The following PCDH1 variants were observed in gnomAD, a reference collection of about 807,000 sequenced individuals.
PCDH1 encodes protocadherin-1.
In PCDH1, 23 loss-of-function variants were observed where a neutral mutation model predicts 74.6. The observed-to-expected ratio is 0.31, with a 90% CI of 0.22 to 0.44. The LOEUF (loss-of-function observed/expected upper bound fraction) is 0.44. Among genes scored for constraint, PCDH1 ranks in the 20% least tolerant of loss-of-function variants. The pLI, the probability that PCDH1 is intolerant of heterozygous loss-of-function variation, is 1.00. For missense variants in PCDH1, 1,214 were observed against 1,641.4 expected (o/e 0.74, Z 4.50); for synonymous variants, 647 against 686.1 (o/e 0.94, Z 0.89).
chr5:141,866,308 G>T, intron 2 of PCDH1: 1 of 860,376 alleles, frequency 1.2e-6, no homozygotes, highest in Non-Finnish European at 1.4e-6. Context: ...AGAGCCTGCT[G>T]GCAGTGGGCT....
At chr5:141,877,311 AGAGT>A (rs1319268699) in intron 1 of PCDH1, among the ~76,000 whole-genome samples, 1 of 152,146 alleles carries the variant, frequency 6.6e-6, no homozygotes, top group Non-Finnish European at 1.5e-5. Flanking sequence ...TTCCTGTGTT[AGAGT>A]GTGTGCCATC....
At position 141,865,885 on chromosome 5, in the gene PCDH1, C is replaced by G. The variant is rs562099127; in HGVS notation, c.904-458G>C. On this transcript the variant is annotated intron_variant, in intron 2 of 4. Transcript: ENST00000287008. The surrounding 1 kb of genome is among the most constrained non-coding windows in gnomAD (Gnocchi z 4.4). ...TGTGAATGTGCACTACATGCACGCACGCATGCACATATGTATGTGTATGAT... is the reference window on the plus strand; with the variant it reads ...TGTGAATGTGCACTACATGCACGCAGGCATGCACATATGTATGTGTATGAT... Among the ~76,000 whole-genome samples, 3 of 149,416 alleles carry G rather than the reference C, an allele frequency of 2.0e-5. No homozygotes were observed. Among genetic ancestry groups the G allele is most frequent in the Non-Finnish European group, 4.5e-5 (3 of 66,640 alleles).
In PCDH1 at chr5:141,864,819, A is replaced by G. The variant is rs760879865; in HGVS notation, c.1512T>C (p.Pro504=). The change falls in exon 3 of 5, where the codon CCT becomes CCC. Residue 504 remains proline, a synonymous_variant. Coordinates refer to ENST00000287008, the MANE Select transcript of PCDH1 (RefSeq NM_032420.5). This position sits in a 1 kb window ranked among gnomAD's most constrained non-coding sequence, Gnocchi z 5.9. ...VQVVDVNDNA[P]VFTQSVTEVA... is the part of the protein sequence containing the mutation. The stretch of plus-strand genomic sequence containing the variant: ...CCTCAGTGACACTCTGAGTGAAGAC[A>G]GGTGCGTTGTCATTGACGTCCACCA... 6.2e-7 allele frequency: 1 copy of G among 1,614,074 alleles called. No homozygotes were observed. Among genetic ancestry groups the G allele is most frequent in the Non-Finnish European group, 8.5e-7 (1 of 1,180,010 alleles).
In PCDH1 at chr5:141,857,332, C is replaced by G; in HGVS notation, c.3239G>C (p.Gly1080Ala). The G allele has an allele frequency of 6.2e-7, 1 of 1,613,730 alleles. No individual in the cohort carries two copies. The highest frequency in any genetic ancestry group is 1.1e-5 in the South Asian group (1 of 91,042). The change falls in exon 4 of 5, where the codon GGT becomes GCT. Residue 1080 changes from glycine to alanine, a missense_variant. Around this residue, in one of 4 missense-constraint regions of PCDH1, gnomAD observed 836 missense variants for 1,182.2 expected, o/e 0.71. Coordinates refer to ENST00000287008, the MANE Select transcript of PCDH1 (RefSeq NM_032420.5). Reference protein sequence around the residue: ...SSKSSSGPRLGPLALPEDHYE... With the variant: ...SSKSSSGPRLAPLALPEDHYE... ...GTGATCCTCAGGCAGGGCCAGGGGA[C>G]CGAGTCGAGGCCCTGAGGATGACTT... is the stretch of plus-strand genomic sequence containing the variant.
At chr5:141,858,087 C>A (rs899817141) in intron 3 of PCDH1, among the ~76,000 whole-genome samples, 4 of 152,216 alleles carry the variant, frequency 2.6e-5, no homozygotes, top group Non-Finnish European at 5.9e-5. Flanking sequence ...GCCACTGCCT[C>A]CTTCCAAATG....
Position 141,868,745 on chromosome 5 carries a change from A to G in PCDH1, c.727T>C (p.Trp243Arg), listed in dbSNP as rs1388590176. 6.2e-7 allele frequency: 1 copy of G among 1,614,188 alleles called. No homozygotes were observed. Among genetic ancestry groups the G allele is most frequent in the Non-Finnish European group, 8.5e-7 (1 of 1,180,018 alleles). Residue 243 changes from tryptophan (W) to arginine (R), a missense_variant, in exon 2 of 5, where the codon TGG becomes CGG. By Grantham distance (101) the Trp-to-Arg change is moderately radical. Transcript: ENST00000287008. The surrounding 1 kb of genome is among the most constrained non-coding windows in gnomAD (Gnocchi z 4.8). ...IVMGNLDRERWDSYDLTIKVQ... is the reference protein window; with the variant it reads ...IVMGNLDRERRDSYDLTIKVQ... ...TTGATGGTGAGGTCATAGGAGTCCC[A>G]GCGCTCACGGTCCAGGTTGCCCATC... is the stretch of plus-strand genomic sequence containing the variant.
rs140077127 is a variant in PCDH1, at chr5:141,857,445, C to T, written c.3126G>A (p.Ser1042=). ...KQLPHRRVTF[S]ATSQAQELQD... ...GCAGCTCCTGGGCCTGGCTGGTGGC[C>T]GAGAAGGTGACGCGGCGGTGAGGTA... Residue 1042 remains serine (S), a synonymous_variant, in exon 4 of 5, where the codon TCG becomes TCA. Coordinates refer to ENST00000287008, the MANE Select transcript of PCDH1 (RefSeq NM_032420.5). 5.8e-5 allele frequency: 94 copies of T among 1,613,678 alleles called. No individual in the cohort carries two copies. Among genetic ancestry groups the T allele is most frequent in the South Asian group, 4.1e-4 (37 of 91,024 alleles).
chr5:141,869,529 A>T lies in PCDH1; in HGVS notation c.41-98T>A. 6.5e-7 allele frequency: 1 copy of T among 1,546,050 alleles called. No homozygotes were observed. Among genetic ancestry groups the T allele is most frequent in the Non-Finnish European group, 8.7e-7 (1 of 1,152,260 alleles). ...GCCCCATACTCACCCTCTCCCACTG[A>T]CACACGATTCTCCACAAGAGCAGTC... On this transcript the variant is annotated intron_variant, in intron 1 of 4. Transcript: ENST00000287008. This position sits in a 1 kb window ranked among gnomAD's most constrained non-coding sequence, Gnocchi z 4.9.
chr5:141,857,069 A>G (rs932079458), intron 4 of PCDH1, among the ~76,000 whole-genome samples, 183 bp downstream of exon 4: 2 of 152,208 alleles, frequency 1.3e-5, no homozygotes, highest in Non-Finnish European at 2.9e-5. Flanking sequence ...TGGGTGCCAT[A>G]AAGTTCTCAA....
chr5:141,869,961 C>G lies in PCDH1; in HGVS notation c.41-530G>C, dbSNP rs931381282. Among the ~76,000 whole-genome samples, 3 of 152,204 alleles carry G rather than the reference C, an allele frequency of 2.0e-5. No individual in the cohort carries two copies. Among genetic ancestry groups the G allele is most frequent in the Admixed American group, 6.5e-5 (1 of 15,288 alleles). ...AGTACGTCCTTACACACCCCAGACC[C>G]TGGGACCTTGACTTGTCACACTGGG... On this transcript the variant is annotated intron_variant, in intron 1 of 4. Transcript: ENST00000287008. The surrounding 1 kb of genome is among the most constrained non-coding windows in gnomAD (Gnocchi z 4.9).
At position 141,878,253 on chromosome 5, in the gene PCDH1, CG is replaced by C; in HGVS notation, c.9del (p.Ser3ArgfsTer14). On this transcript the variant is annotated frameshift_variant, in exon 1 of 5. Coordinates refer to ENST00000287008, the MANE Select transcript of PCDH1 (RefSeq NM_032420.5). LOFTEE classifies it high-confidence loss of function. The surrounding 1 kb of genome is among the most constrained non-coding windows in gnomAD (Gnocchi z 5.5). MD[S>X]GAGGRRCPEA... ...TCCGGGCAGCGCCGGCCGCCCGCCC[CG>C]CTGTCCATGAGCCGCCGCCGGCCCC... is the stretch of plus-strand genomic sequence containing the variant. The C allele has an allele frequency of 7.3e-7, 1 of 1,362,272 alleles. No individual in the cohort carries two copies. The allele number at this position is 1,362,272 out of a possible 1,614,324, so 84.4% of individuals were successfully genotyped here.
rs756233599 is a variant in PCDH1 at position 141,869,325 on chromosome 5, C to T, written c.147G>A (p.Leu49=). Reference sequence around the variant, plus strand: ...TGGCGTGGCCTGGGGATGGAGCCAGCAGGAGCAGCAGTGCTAGCAGCATGG... The same window carrying T: ...TGGCGTGGCCTGGGGATGGAGCCAGTAGGAGCAGCAGTGCTAGCAGCATGG... ...LPSMLLALLL[L]LAPSPGHATR... Residue 49 remains leucine, a synonymous_variant, in exon 2 of 5, where the codon CTG becomes CTA. Transcript: ENST00000287008. This position sits in a 1 kb window ranked among gnomAD's most constrained non-coding sequence, Gnocchi z 4.9. The T allele has an allele frequency of 3.1e-6, 5 of 1,598,438 alleles. No homozygotes were observed. The East Asian group carries it at 6.8e-5, about 22-fold the overall frequency.
rs367841600 is a variant in PCDH1 at position 141,854,310 on chromosome 5, G to A, written c.3446C>T (p.Ala1149Val). 2 of 1,613,774 alleles carry A rather than the reference G, an allele frequency of 1.2e-6. No homozygotes were observed. Among genetic ancestry groups the A allele is most frequent in the Non-Finnish European group, 1.7e-6 (2 of 1,179,916 alleles). The stretch of plus-strand genomic sequence containing the variant: ...AGGCACGAAGGTGGAGAGTTTGAGG[G>A]CGCTGCTCTTGGTCCGGCGGCTGGG... ...SSPSRRTKSS[A>V]LKLSTFVPYQ... The change falls in exon 5 of 5, where the codon GCC becomes GTC. Residue 1149 changes from alanine to valine, a missense_variant. Transcript: ENST00000287008.
At chr5:141,856,254 C>T (rs2126803769) in intron 4 of PCDH1, 1 of 1,535,600 alleles carries the variant, frequency 6.5e-7, no homozygotes, top group East Asian at 2.4e-5. Flanking sequence ...CTGCTCCGGC[C>T]AGCCGGCTCT....
chr5:141,877,158 A>C (rs1753262355), intron 1 of PCDH1, among the ~76,000 whole-genome samples: 1 of 151,886 alleles, frequency 6.6e-6, no homozygotes, highest in South Asian at 2.1e-4. Flanking sequence ...AGAGGAACGG[A>C]GTGTGTGTGT....
rs766542165 is a variant in PCDH1, at chr5:141,854,109, G to A, written c.3647C>T (p.Thr1216Ile). The A allele has an allele frequency of 2.5e-6, 4 of 1,569,396 alleles. No individual in the cohort carries two copies. The East Asian group carries it at 9.0e-5, about 35-fold the overall frequency. Residue 1216 changes from threonine to isoleucine, a missense_variant, in exon 5 of 5, where the codon ACC becomes ATC. By Grantham distance (89) the Thr-to-Ile change is moderately conservative. Coordinates refer to ENST00000287008, the MANE Select transcript of PCDH1 (RefSeq NM_032420.5). Reference sequence around the variant, plus strand: ...TGTGGCTGCGGGTGGGAAGTCCGAGGTCTGGGTCAGGGGGATTTCCTCCAA... The same window carrying A: ...TGTGGCTGCGGGTGGGAAGTCCGAGATCTGGGTCAGGGGGATTTCCTCCAA... ...ATLEEIPLTQ[T>I]SDFPPAATPA...
chr5:141,855,383 A>G lies in PCDH1; in HGVS notation c.3320-947T>C, dbSNP rs770877745. ...CACACACTCATCTACACACTGCCTC[A>G]TCTATCTCCAGACAGACTTAAATGT... On this transcript the variant is annotated intron_variant, in intron 4 of 4. Coordinates refer to ENST00000287008, the MANE Select transcript of PCDH1 (RefSeq NM_032420.5). 2.0e-5 allele frequency among the ~76,000 whole-genome samples: 3 copies of G among 152,066 alleles called. No homozygotes were observed. The South Asian group carries it at 6.2e-4, about 32-fold the overall frequency.
In PCDH1 at chr5:141,854,034, T is replaced by G; in HGVS notation, c.*8A>C. On this transcript the variant is annotated 3_prime_UTR_variant, in exon 5 of 5. Coordinates refer to ENST00000287008, the MANE Select transcript of PCDH1 (RefSeq NM_032420.5). Reference sequence around the variant, plus strand: ...TGGGGGAGGGGGGCCGGCCGGCCAGTAGGGGGCTCACAGGTAGATCTCGCG... The same window carrying G: ...TGGGGGAGGGGGGCCGGCCGGCCAGGAGGGGGCTCACAGGTAGATCTCGCG... 1.4e-6 allele frequency: 2 copies of G among 1,479,716 alleles called. No homozygotes were observed. The highest frequency in any genetic ancestry group is 1.5e-5 in the South Asian group (1 of 68,484). 91.7% of individuals were successfully genotyped at this position (1,479,716 alleles called of 1,614,324 possible).
chr5:141,862,903 C>T, intron 3 of PCDH1: 1 of 1,214,142 alleles, frequency 8.2e-7, no homozygotes, highest in Non-Finnish European at 1.0e-6. Context: ...ATTTCCCTCC[C>T]CACTTACGCT....
Sources: gnomAD v4.1 joint callset for allele counts (sites outside exome capture counted in the v4.1 genomes callset) on GRCh38, gnomAD v4.1.1 for gene constraint, gnomAD v4.1.1 regional missense constraint, Gnocchi (gnomAD v3.1) non-coding constraint, MANE v1.5 for transcripts, NCBI Gene and HGNC (gene_info 2026-07-23, HGNC 2026-07-21) for gene names.